FOXN3: variants seen among roughly 807,000 people sequenced by gnomAD.
The protein encoded by FOXN3 is forkhead box N3, also known as forkhead box protein N3.
In FOXN3, 7 loss-of-function variants were observed where a neutral mutation model predicts 38.4. The observed-to-expected ratio is 0.18, with a 90% CI of 0.10 to 0.34. The LOEUF is 0.34. Among genes scored for constraint, FOXN3 ranks in the 10% least tolerant of loss-of-function variants. The pLI is 1.00. For missense variants in FOXN3, 456 were observed against 613.4 expected, an observed-to-expected ratio of 0.74 and a Z score of 2.71; for synonymous variants, 230 against 242.2, an observed-to-expected ratio of 0.95 and a Z score of 0.47.
At chr14:89,420,287 C>G (rs774468938), upstream of FOXN3, among the ~76,000 whole-genome samples, 1 of 152,180 alleles carries the variant, frequency 6.6e-6, no homozygotes, top group Non-Finnish European at 1.5e-5. Context: ...CACATGACTC[C>G]CCTACGCGCA....
intron 3 of FOXN3, chr14:89,349,731 G>C (rs374426693): frequency 1.3e-5 from 2 of 152,428 alleles, no homozygotes; most frequent in Admixed American, 6.5e-5. Context: ...CTTCATTAAT[G>C]CTATTTCAGA....
rs145699729 is a variant in FOXN3, at chr14:89,181,073, C to T, written c.746-267G>A. Reference sequence around the variant, plus strand: ...ACCTGCACATACAGACATGCACACACACACGTGCACACACACACGGGGAAA... The same window carrying T: ...ACCTGCACATACAGACATGCACACATACACGTGCACACACACACGGGGAAA... On this transcript the variant is annotated intron_variant, in intron 4 of 5. Transcript: ENST00000557258. 2.7e-3 allele frequency among the ~76,000 whole-genome samples: 405 copies of T among 152,010 alleles called. 2 individuals carry two copies. Among genetic ancestry groups the T allele is most frequent in the African/African-American group, 9.5e-3 (392 of 41,470 alleles).
intron 1 of FOXN3, among the ~76,000 whole-genome samples, chr14:89,562,268 T>C (rs2139881070): frequency 6.6e-6 from 1 of 152,298 alleles, no homozygotes; most frequent in South Asian, 2.1e-4. Context: ...GTTATTGTTG[T>C]TTGTTTTTTT....
chr14:89,218,120 T>C (rs1884343511), intron 4 of FOXN3, among the ~76,000 whole-genome samples: 1 of 152,212 alleles, frequency 6.6e-6, no homozygotes, highest in African/African-American at 2.4e-5. Context: ...AATTCACTGC[T>C]GGTTACAAAG....
intron 3 of FOXN3, among the ~76,000 whole-genome samples, chr14:89,338,204 C>T (rs1014082785): frequency 6.6e-6 from 1 of 152,196 alleles, no homozygotes; most frequent in Non-Finnish European, 1.5e-5. Context: ...CTCCCTCCCC[C>T]TCCAAACATC....
At chr14:89,257,173 T>C (rs772116397) in intron 4 of FOXN3, among the ~76,000 whole-genome samples, 8 of 152,178 alleles carry the variant, frequency 5.3e-5, no homozygotes, top group Admixed American at 5.2e-4. Flanking sequence ...TATGGACACA[T>C]GGACCTATTT....
At chr14:89,168,125 T>G (rs936083686) in intron 5 of FOXN3, among the ~76,000 whole-genome samples, 1 of 152,002 alleles carries the variant, frequency 6.6e-6, no homozygotes, top group Non-Finnish European at 1.5e-5. Context: ...TTAAACACAA[T>G]GGGAATAAGC....
At chr14:89,470,921 C>T (rs999131804) in intron 1 of FOXN3, among the ~76,000 whole-genome samples, 2 of 152,136 alleles carry the variant, frequency 1.3e-5, no homozygotes, top group African/African-American at 4.8e-5. Context: ...AATGTCCAAG[C>T]CAACTGGGCT....
intron 4 of FOXN3, among the ~76,000 whole-genome samples, chr14:89,204,792 CTCCATCCA>C (rs142220885): frequency 2.5e-4 from 37 of 150,764 alleles, no homozygotes; most frequent in East Asian, 2.2e-3. Context: ...GAGACATAGG[CTCCATCCA>C]TCCATCCATC....
At chr14:89,180,601 T>C (rs1221004262) in intron 5 of FOXN3, 100 bp downstream of exon 5, 4 of 791,014 alleles carry the variant, frequency 5.1e-6, no homozygotes, top group Non-Finnish European at 7.6e-6. Context: ...CTGTCACTAG[T>C]TCGAAGCAGC....
At chr14:89,209,063 T>C (rs1287505655) in intron 4 of FOXN3, among the ~76,000 whole-genome samples, 1 of 152,262 alleles carries the variant, frequency 6.6e-6, no homozygotes, top group Admixed American at 6.5e-5. Flanking sequence ...CACGGATATT[T>C]GGAAGAATAA....
At chr14:89,409,644 G>A (rs1205611767) in intron 2 of FOXN3, among the ~76,000 whole-genome samples, 1 of 152,164 alleles carries the variant, frequency 6.6e-6, no homozygotes, top group Non-Finnish European at 1.5e-5. Flanking sequence ...GGCTTTGGGG[G>A]ACCTGAGCAG....
chr14:89,534,543 G>A (rs998868522), intron 1 of FOXN3, among the ~76,000 whole-genome samples: 3 of 152,196 alleles, frequency 2.0e-5, no homozygotes, highest in Non-Finnish European at 4.4e-5. Flanking sequence ...GCCGGTGCAT[G>A]CAATCTTCCA....
chr14:89,581,158 G>A (rs1895730847), intron 1 of FOXN3, among the ~76,000 whole-genome samples: 2 of 151,952 alleles, frequency 1.3e-5, no homozygotes, highest in Non-Finnish European at 2.9e-5. Context: ...CTCCAGCTTG[G>A]GTGACAGAGT....
chr14:89,266,321 T>C (rs537415453), intron 4 of FOXN3, among the ~76,000 whole-genome samples: 26 of 152,256 alleles, frequency 1.7e-4, no homozygotes, highest in African/African-American at 4.6e-4. Context: ...CCTCAGTACA[T>C]GTACATTCCT....
At chr14:89,328,372 C>T (rs1888136469) in intron 3 of FOXN3, among the ~76,000 whole-genome samples, 1 of 152,038 alleles carries the variant, frequency 6.6e-6, no homozygotes, top group African/African-American at 2.4e-5. Context: ...AAGAGACATT[C>T]CCACCAGCAG....
At chr14:89,252,040 T>C (rs188446531) in intron 4 of FOXN3, among the ~76,000 whole-genome samples, 1 of 152,348 alleles carries the variant, frequency 6.6e-6, no homozygotes, top group East Asian at 1.9e-4. Context: ...ATAACAACCA[T>C]TCATTGTCTA....
chr14:89,378,181 G>A (rs1014084235), intron 2 of FOXN3, among the ~76,000 whole-genome samples: 1 of 152,234 alleles, frequency 6.6e-6, no homozygotes, highest in Non-Finnish European at 1.5e-5. Flanking sequence ...AGGAAGAACA[G>A]CTTTTGCTAC....
chr14:89,229,559 G>T (rs1748019227), intron 4 of FOXN3, among the ~76,000 whole-genome samples: 1 of 152,180 alleles, frequency 6.6e-6, no homozygotes, highest in Non-Finnish European at 1.5e-5. Flanking sequence ...TAGATGAGTT[G>T]TGAGAATCAA....
Sources: allele counts gnomAD v4.1 joint callset (sites outside exome capture counted in the v4.1 genomes callset), GRCh38; gene constraint gnomAD v4.1.1; transcripts MANE v1.5; gene names NCBI Gene and HGNC (gene_info 2026-07-23, HGNC 2026-07-21).